FAM135B: variants seen among roughly 807,000 people sequenced by gnomAD.
FAM135B encodes the protein protein FAM135B.
FAM135B carries 43 observed loss-of-function variants against 127.7 expected under a neutral mutation model. That is an observed-to-expected ratio of 0.34 (90% CI 0.26 to 0.43). The LOEUF (loss-of-function observed/expected upper bound fraction) is 0.43. Among genes scored for constraint, FAM135B ranks in the 20% least tolerant of loss-of-function variants. FAM135B has a pLI of 1.00. For missense variants in FAM135B, 1,558 were observed against 1,725.6 expected (o/e 0.90, Z 1.72); for synonymous variants, 670 against 665.1 (o/e 1.01, Z -0.11).
intron 1 of FAM135B, among the ~76,000 whole-genome samples, chr8:138,490,473 C>T (rs1815152569): frequency 6.6e-6 from 1 of 152,168 alleles, no homozygotes; most frequent in Non-Finnish European, 1.5e-5. Flanking sequence ...GTTGGGAGAA[C>T]AGAGTGAGCC....
At chr8:138,313,310 T>G (rs971079016) in intron 2 of FAM135B, among the ~76,000 whole-genome samples, 35 of 152,052 alleles carry the variant, frequency 2.3e-4, no homozygotes, top group African/African-American at 8.2e-4. Context: ...TTTTTTATTT[T>G]TAGTAGCAAC....
chr8:138,295,716 T>C (rs561157307), intron 3 of FAM135B, among the ~76,000 whole-genome samples: 2 of 152,228 alleles, frequency 1.3e-5, no homozygotes, highest in East Asian at 3.9e-4. Flanking sequence ...GGCCAATCTG[T>C]GATCTGCACA....
At chr8:138,479,852 C>G (rs1470984280) in intron 1 of FAM135B, among the ~76,000 whole-genome samples, 1 of 152,164 alleles carries the variant, frequency 6.6e-6, no homozygotes, top group African/African-American at 2.4e-5. Flanking sequence ...AGAGCTCTAA[C>G]ATCTCAATAC....
intron 7 of FAM135B, among the ~76,000 whole-genome samples, chr8:138,230,072 T>C (rs1024071568): frequency 6.6e-6 from 1 of 152,152 alleles, no homozygotes; most frequent in Non-Finnish European, 1.5e-5. Context: ...GGATGAGATA[T>C]GTATCCACTG....
intron 1 of FAM135B, among the ~76,000 whole-genome samples, chr8:138,456,385 A>G (rs1836777711): frequency 6.6e-6 from 1 of 152,204 alleles, no homozygotes; most frequent in African/African-American, 2.4e-5. Context: ...GCCAAAAACA[A>G]GTGCATTTCT....
chr8:138,434,895 T>C (rs1035775118), intron 1 of FAM135B, among the ~76,000 whole-genome samples: 36 of 152,210 alleles, frequency 2.4e-4, no homozygotes, highest in Admixed American at 1.8e-3. Flanking sequence ...CTCCAGGACA[T>C]GATCATGTAA....
intron 1 of FAM135B, among the ~76,000 whole-genome samples, chr8:138,485,323 C>T (rs1425803574): frequency 2.0e-5 from 3 of 152,112 alleles, no homozygotes; most frequent in African/African-American, 7.2e-5. Context: ...CAGAGTCTTC[C>T]CTAATGATAT....
intron 1 of FAM135B, among the ~76,000 whole-genome samples, chr8:138,430,417 C>T (rs1835134090): frequency 6.6e-6 from 1 of 152,162 alleles, no homozygotes; most frequent in South Asian, 2.1e-4. Flanking sequence ...TTTGTTTGCT[C>T]TCAATTCTAT....
chr8:138,228,536 G>T (rs1325349391), intron 7 of FAM135B, among the ~76,000 whole-genome samples: 7 of 152,106 alleles, frequency 4.6e-5, no homozygotes, highest in African/African-American at 1.7e-4. Context: ...ATCTTTGAGG[G>T]TGTGGAGCTT....
intron 9 of FAM135B, among the ~76,000 whole-genome samples, chr8:138,181,082 T>TA (rs58164495): frequency 0.53 from 77,742 of 145,544 alleles, 20,618 homozygotes; most frequent in East Asian, 0.8. Context: ...CTACTAAAAA[T>TA]AAAAAAAAAA....
At chr8:138,235,567 T>C (rs150476766) in intron 7 of FAM135B, among the ~76,000 whole-genome samples, 83 of 152,174 alleles carry the variant, frequency 5.5e-4, no homozygotes, top group African/African-American at 1.9e-3. Context: ...AAGAATCCAA[T>C]AGAAATGGGT....
At chr8:138,400,549 T>C (rs1486814242) in intron 1 of FAM135B, among the ~76,000 whole-genome samples, 2 of 152,004 alleles carry the variant, frequency 1.3e-5, no homozygotes, top group Non-Finnish European at 2.9e-5. Flanking sequence ...AAGAGATGAG[T>C]CAGTGAAAAG....
chr8:138,449,356 G>GGGAGGGAAAGGAGTGTTCC (rs1305179612), intron 1 of FAM135B, among the ~76,000 whole-genome samples: 1 of 152,158 alleles, frequency 6.6e-6, no homozygotes, highest in Non-Finnish European at 1.5e-5. Flanking sequence ...GGAGCAAGAA[G>GGGAGGGAAAGGAGTGTTCC]GGAGGGAAAG....
intron 4 of FAM135B, among the ~76,000 whole-genome samples, chr8:138,263,720 A>G (rs1822709767): frequency 6.6e-6 from 1 of 152,206 alleles, no homozygotes; most frequent in Non-Finnish European, 1.5e-5. Context: ...AACAGGGCAC[A>G]TGGTGGATGC....
At chr8:138,362,344 T>C (rs974822594) in intron 2 of FAM135B, among the ~76,000 whole-genome samples, 11 of 143,506 alleles carry the variant, frequency 7.7e-5, no homozygotes, top group Non-Finnish European at 1.5e-4. Context: ...GTAGGGACCA[T>C]TCATCTGATC....
intron 15 of FAM135B, among the ~76,000 whole-genome samples, chr8:138,144,840 G>A (rs893259779): frequency 3.3e-5 from 5 of 152,086 alleles, no homozygotes; most frequent in African/African-American, 4.8e-5. Flanking sequence ...GTGCACACCC[G>A]GAAGGATTAC....
chr8:138,260,090 G>A (rs1169886602), intron 4 of FAM135B, among the ~76,000 whole-genome samples: 1 of 152,162 alleles, frequency 6.6e-6, no homozygotes, highest in African/African-American at 2.4e-5. Flanking sequence ...ACTAACCTTT[G>A]TCCTACTAGG....
chr8:138,170,052 C>A (rs1820289140), intron 11 of FAM135B, among the ~76,000 whole-genome samples: 1 of 152,186 alleles, frequency 6.6e-6, no homozygotes. Context: ...TGCATGACTT[C>A]TCAGACCCAA....
At chr8:138,411,481 C>T (rs199578253) in intron 1 of FAM135B, among the ~76,000 whole-genome samples, 4 of 152,120 alleles carry the variant, frequency 2.6e-5, no homozygotes, top group African/African-American at 9.6e-5. Flanking sequence ...ATACGAAAAT[C>T]AATTCAAGAT....
Sources: gnomAD v4.1 joint callset for allele counts (sites outside exome capture counted in the v4.1 genomes callset) on GRCh38, gnomAD v4.1.1 for gene constraint, MANE v1.5 for transcripts, NCBI Gene and HGNC (gene_info 2026-07-23, HGNC 2026-07-21) for gene names.